GAA: variants seen among roughly 807,000 people sequenced by gnomAD.
GAA encodes the protein lysosomal alpha-glucosidase.
Under a neutral mutation model 103.9 loss-of-function variants are expected in GAA, and 88 were observed. The observed-to-expected ratio is 0.85, with a 90% confidence interval of 0.71 to 1.01. GAA has a LOEUF of 1.01. Ranked by LOEUF, GAA falls within the 50% of genes least tolerant of loss-of-function variation. GAA has a pLI of 0.00. For synonymous variants in GAA, 572 were observed against 563.1 expected, an observed-to-expected ratio of 1.02 and a Z score of -0.22; for missense variants, 1,350 against 1,305.3, an observed-to-expected ratio of 1.03 and a Z score of -0.53.
intron 19 of GAA, 120 bp from the exon 20 acceptor site, chr17:80,119,152 C>CT (rs897479504): frequency 2.9e-6 from 3 of 1,040,242 alleles, no homozygotes; most frequent in African/African-American, 1.6e-5. Context: ...GAGCTGCCCC[C>CT]TGAGCGCCGG....
rs529513250 is a variant in GAA at position 80,110,735 on chromosome 17, C to T, written c.1446C>T (p.Pro482=). 397 of 1,613,932 alleles carry T rather than the reference C, an allele frequency of 2.5e-4. 6 individuals carry two copies. In the South Asian group the frequency reaches 3.9e-3, roughly 16 times the overall value. Residue 482 remains proline (P), a synonymous_variant, in exon 10 of 20, where the codon CCC becomes CCT. Coordinates refer to ENST00000302262, the MANE Select transcript of GAA (RefSeq NM_000152.5). The part of the protein sequence containing the change: ...TGQPLIGKVW[P]GSTAFPDFTN... ...AGCCTCTCGTTGTCCAGGTATGGCCCGGGTCCACTGCCTTCCCCGACTTCA... is the reference window on the plus strand; with the variant it reads ...AGCCTCTCGTTGTCCAGGTATGGCCTGGGTCCACTGCCTTCCCCGACTTCA...
In GAA at chr17:80,119,288, T is replaced by G. The variant is rs2039429932; in HGVS notation, c.2816T>G (p.Val939Gly). The change falls in exon 20 of 20, where the codon GTC (valine) becomes GGC (glycine). Residue 939 changes from valine to glycine, a missense_variant. Val to Gly is a moderately radical substitution (Grantham distance 109). Coordinates refer to ENST00000302262, the MANE Select transcript of GAA (RefSeq NM_000152.5). Reference protein sequence around the residue: ...SPDTKVLDICVSLLMGEQFLV... With the variant: ...SPDTKVLDICGSLLMGEQFLV... ...CTTTTCCAGGTCCTGGACATCTGTG[T>G]CTCGCTGTTGATGGGAGAGCAGTTT... The G allele has an allele frequency of 6.2e-7, 1 of 1,613,946 alleles. No homozygotes were observed. The highest frequency in any genetic ancestry group is 1.1e-5 in the South Asian group (1 of 91,082).
intron 1 of GAA, among the ~76,000 whole-genome samples, chr17:80,103,965 TTA>T (rs2039011063): frequency 6.6e-6 from 1 of 152,122 alleles, no homozygotes; most frequent in African/African-American, 2.4e-5. Flanking sequence ...AGCCGCACCT[TTA>T]TGCAGAAGTG....
intron 3 of GAA, among the ~76,000 whole-genome samples, chr17:80,106,620 T>C (rs1450072692): frequency 2.6e-5 from 4 of 152,156 alleles, no homozygotes; most frequent in Admixed American, 1.3e-4. Flanking sequence ...GAGAAGTTTC[T>C]CAAAGCATCT....
intron 19 of GAA, 85 bp from the exon 20 acceptor site, chr17:80,119,187 G>A (rs1217969770): frequency 2.0e-5 from 27 of 1,325,652 alleles, no homozygotes; most frequent in Non-Finnish European, 2.7e-5. Context: ...GGGATCTCGG[G>A]GCCAGATGGA....
rs2039414036 is a variant in GAA at position 80,118,669 on chromosome 17, A to T, written c.2663A>T (p.Glu888Val). The part of the protein sequence containing the change: ...FLARNNTIVN[E>V]LVRVTSEGAG... Reference sequence around the variant, plus strand: ...TCGGCCCAGAACACGATCGTGAATGAGCTGGTACGTGTGACCAGTGAGGGA... The same window carrying T: ...TCGGCCCAGAACACGATCGTGAATGTGCTGGTACGTGTGACCAGTGAGGGA... The change falls in exon 19 of 20, where the codon GAG (glutamate) becomes GTG (valine). Residue 888 changes from glutamate to valine, a missense_variant. Glu to Val is a moderately radical substitution (Grantham distance 121). Coordinates refer to ENST00000302262, the MANE Select transcript of GAA (RefSeq NM_000152.5). 1.2e-6 allele frequency: 2 copies of T among 1,612,522 alleles called. No individual in the cohort carries two copies. Among genetic ancestry groups the T allele is most frequent in the South Asian group, 2.2e-5 (2 of 91,080 alleles).
intron 15 of GAA, among the ~76,000 whole-genome samples, chr17:80,116,642 C>CA (rs551221239): frequency 7.6e-4 from 116 of 152,362 alleles, no homozygotes; most frequent in African/African-American, 2.7e-3. Context: ...CTGATGAGCA[C>CA]ATGCTGCCTT....
chr17:80,104,857 G>A lies in GAA; in HGVS notation c.271G>A (p.Asp91Asn), dbSNP rs1800299. ...QCDVPPNSRF[D>N]CAPDKAITQE... ...CGACGTCCCCCCCAACAGCCGCTTCGATTGCGCCCCTGACAAGGCCATCAC... is the reference window on the plus strand; with the variant it reads ...CGACGTCCCCCCCAACAGCCGCTTCAATTGCGCCCCTGACAAGGCCATCAC... Residue 91 changes from aspartate (D) to asparagine (N), a missense_variant, in exon 2 of 20, where the codon GAT (aspartate) becomes AAT (asparagine). By Grantham distance (23) the Asp-to-Asn change is conservative (BLOSUM62 1). Transcript: ENST00000302262. The surrounding 1 kb of genome is among the most constrained non-coding windows in gnomAD (Gnocchi z 4.0). 45,579 of 1,612,872 alleles carry A rather than the reference G, an allele frequency of 0.028. 807 individuals are homozygous for A. The highest frequency in any genetic ancestry group is 0.034 in the Non-Finnish European group (40,475 of 1,179,904).
chr17:80,112,781 C>A, intron 13 of GAA, 70 bp downstream of exon 13: 2 of 1,574,870 alleles, frequency 1.3e-6, no homozygotes, highest in Non-Finnish European at 1.7e-6. Context: ...CTTGCCGGGG[C>A]CCCCCACCCA....
At chr17:80,109,094 CA>C (rs769582048) in intron 8 of GAA, among the ~76,000 whole-genome samples, 2 of 152,142 alleles carry the variant, frequency 1.3e-5, no homozygotes, top group African/African-American at 2.4e-5. Flanking sequence ...AGCAAAAGGC[CA>C]GGGGCATGAT....
At position 80,113,359 on chromosome 17, in the gene GAA, T is replaced by C. The variant is rs1232306443; in HGVS notation, c.2182T>C (p.Phe728Leu). 1.9e-6 allele frequency: 3 copies of C among 1,578,250 alleles called. No individual in the cohort carries two copies. Among genetic ancestry groups the C allele is most frequent in the Non-Finnish European group, 2.6e-6 (3 of 1,160,456 alleles). ...GGGGGAGACCGTGGCCCGGCCCCTCTTCCTGGAGTGAGTGACCTAGGCAGG... is the reference window on the plus strand; with the variant it reads ...GGGGGAGACCGTGGCCCGGCCCCTCCTCCTGGAGTGAGTGACCTAGGCAGG... ...VAGETVARPL[F>L]LEFPKDSSTW... Residue 728 changes from phenylalanine to leucine, a missense_variant, in exon 15 of 20, where the codon TTC becomes CTC. Physicochemically the swap from Phe to Leu is conservative, Grantham distance 22. Transcript: ENST00000302262.
rs898679504 is a variant in GAA at position 80,113,041 on chromosome 17, G to A, written c.2040+14G>A. The A allele has an allele frequency of 1.9e-6, 3 of 1,605,280 alleles. No individual in the cohort carries two copies. Among genetic ancestry groups the A allele is most frequent in the Non-Finnish European group, 2.5e-6 (3 of 1,177,056 alleles). On this transcript the variant is annotated intron_variant, in intron 14 of 19. Coordinates refer to ENST00000302262, the MANE Select transcript of GAA (RefSeq NM_000152.5). The stretch of plus-strand genomic sequence containing the variant: ...CTGCTCAGTCTGGTAGGGTGGGGGT[G>A]GCGGCATGGCAGGTGGGCGATCCCA...
rs2039021280 is a variant in GAA, at chr17:80,104,479, T to G, written c.-32-76T>G. 1 of 1,119,300 alleles carries G rather than the reference T, an allele frequency of 8.9e-7. No homozygotes were observed. Among genetic ancestry groups the G allele is most frequent in the Non-Finnish European group, 1.3e-6 (1 of 798,880 alleles). The allele number at this position is 1,119,300 out of a possible 1,614,324, so 69.3% of individuals were successfully genotyped here. On this transcript the variant is annotated intron_variant, in intron 1 of 19. Coordinates refer to ENST00000302262, the MANE Select transcript of GAA (RefSeq NM_000152.5). This position sits in a 1 kb window ranked among gnomAD's most constrained non-coding sequence, Gnocchi z 4.0. The stretch of plus-strand genomic sequence containing the variant: ...GCTGCAGTGCCAGCCGCGGTTGATG[T>G]CTCAGAGCTGCTTTGAGAGCCCCGT...
At chr17:80,111,341 G>A (rs2039233619) in intron 11 of GAA, among the ~76,000 whole-genome samples, 1 of 152,242 alleles carries the variant, frequency 6.6e-6, no homozygotes, top group African/African-American at 2.4e-5. Context: ...CACCCGTGGG[G>A]AGAGGTCAGG....
intron 17 of GAA, 108 bp from the exon 18 acceptor site, chr17:80,118,085 C>A: frequency 7.7e-7 from 1 of 1,294,980 alleles, no homozygotes; most frequent in Non-Finnish European, 1.1e-6. Flanking sequence ...CCTGCAGATC[C>A]TAGTTACTGG....
intron 11 of GAA, 29 bp from the exon 12 acceptor site, chr17:80,111,954 C>G (rs1042772086): frequency 1.3e-6 from 2 of 1,595,712 alleles, no homozygotes; most frequent in African/African-American, 2.7e-5. Context: ...GGAGGAAGCT[C>G]CCTGGAAACC....
At position 80,105,042 on chromosome 17, in the gene GAA, G is replaced by T. The variant is rs1477781307; in HGVS notation, c.456G>T (p.Leu152=). The T allele has an allele frequency of 3.1e-6, 5 of 1,612,792 alleles. No individual in the cohort carries two copies. The highest frequency in any genetic ancestry group is 4.2e-6 in the Non-Finnish European group (5 of 1,180,024). ...CTGAAATGGGCTACACGGCCACCCT[G>T]ACCCGTACCACCCCCACCTTCTTCC... ...SSSEMGYTAT[L]TRTTPTFFPK... is the part of the protein sequence containing the mutation. Residue 152 remains leucine, a synonymous_variant, in exon 2 of 20, where the codon CTG becomes CTT. Coordinates refer to ENST00000302262, the MANE Select transcript of GAA (RefSeq NM_000152.5).
In GAA at chr17:80,105,200, C is replaced by T. The variant is rs558888451; in HGVS notation, c.546+68C>T. On this transcript the variant is annotated intron_variant, in intron 2 of 19. Transcript: ENST00000302262. ...GCGCGTGGACATCGACACCCACGCA[C>T]CTCACAAGGGTGGGGTGCATGTTGC... 1.8e-5 allele frequency: 26 copies of T among 1,443,026 alleles called. No individual in the cohort carries two copies. The African/African-American group carries it at 3.1e-4, about 17-fold the overall frequency. 89.4% of individuals were successfully genotyped at this position (1,443,026 alleles called of 1,614,324 possible). A position where few individuals can be genotyped will look rare whatever the true frequency, so the allele number is the denominator to read the frequency against.
intron 3 of GAA, 152 bp from the exon 4 acceptor site, chr17:80,107,405 C>G: frequency 2.0e-6 from 2 of 1,004,722 alleles, no homozygotes; most frequent in South Asian, 2.6e-5. Context: ...CAGGGCTCGG[C>G]ACGGCCGCCT....
Sources: allele counts gnomAD v4.1 joint callset (sites outside exome capture counted in the v4.1 genomes callset), GRCh38; gene constraint gnomAD v4.1.1; non-coding constraint Gnocchi (gnomAD v3.1); transcripts MANE v1.5; gene names NCBI Gene and HGNC (gene_info 2026-07-23, HGNC 2026-07-21).